CUL5: variants seen among roughly 807,000 people sequenced by gnomAD.
The protein encoded by CUL5 is cullin-5.
A neutral mutation model predicts 108.8 loss-of-function variants in CUL5; 26 were observed. The ratio of observed to expected loss-of-function variants is 0.24; its 90% CI spans 0.18 to 0.33. The LOEUF (loss-of-function observed/expected upper bound fraction) is 0.33. Ranked by LOEUF, CUL5 falls within the 10% of genes least tolerant of loss-of-function variation. CUL5 has a pLI of 1.00. For synonymous variants in CUL5, 334 were observed against 298.0 expected (o/e 1.12, Z -1.25); for missense variants, 524 against 909.2 (o/e 0.58, Z 5.45).
chr11:108,043,200 G>T (rs1862977614), intron 2 of CUL5, among the ~76,000 whole-genome samples: 1 of 152,188 alleles, frequency 6.6e-6, no homozygotes, highest in East Asian at 1.9e-4. Flanking sequence ...CTCCTGAAAA[G>T]CTAGGACTAC....
chr11:108,047,210 G>A (rs569855851), intron 3 of CUL5, among the ~76,000 whole-genome samples: 5 of 152,074 alleles, frequency 3.3e-5, no homozygotes, highest in East Asian at 1.9e-4. Context: ...GCAGCCACTC[G>A]AGAGGCTGAG....
intron 13 of CUL5, among the ~76,000 whole-genome samples, chr11:108,092,548 A>G (rs1192655575): frequency 6.6e-6 from 1 of 152,244 alleles, no homozygotes; most frequent in African/African-American, 2.4e-5. Flanking sequence ...ATGCTGCAAT[A>G]TTAGGTGAAC....
At position 108,105,062 on chromosome 11, in the gene CUL5, TGAG is replaced by T. The variant is rs1009871402; in HGVS notation, c.*682_*684del. The T allele has an allele frequency of 3.6e-4, 55 of 152,452 alleles. 1 individual carries two copies. Among genetic ancestry groups the T allele is most frequent in the South Asian group, 2.1e-4 (1 of 4,826 alleles). The allele number at this position is 152,452 out of a possible 1,614,324, so 9.4% of individuals were successfully genotyped here. A position where few individuals can be genotyped will look rare whatever the true frequency, so the allele number is the denominator to read the frequency against. ...TGCTATTTTAGTTGTTGTTAAATGA[TGAG>T]GAGTTTTTTTTTTTTTAAATATGGC... On this transcript the variant is annotated 3_prime_UTR_variant, in exon 19 of 19. Transcript: ENST00000393094.
chr11:108,028,368 G>A (rs565537936), intron 1 of CUL5, among the ~76,000 whole-genome samples: 2 of 152,194 alleles, frequency 1.3e-5, no homozygotes, highest in African/African-American at 2.4e-5. Flanking sequence ...AGTCCTGTTA[G>A]TACCACCTTT....
At chr11:108,014,919 G>A (rs1264108131) in intron 1 of CUL5, among the ~76,000 whole-genome samples, 1 of 152,064 alleles carries the variant, frequency 6.6e-6, no homozygotes, top group African/African-American at 2.4e-5. Context: ...TTATTTTTGA[G>A]ACGGGGTCTC....
intron 4 of CUL5, among the ~76,000 whole-genome samples, chr11:108,051,608 G>C (rs1438012180): frequency 4.6e-5 from 7 of 152,132 alleles, no homozygotes; most frequent in Admixed American, 4.6e-4. Context: ...CAAGTTTCTT[G>C]GAGTACTGAT....
intron 18 of CUL5, among the ~76,000 whole-genome samples, chr11:108,103,951 C>G (rs200474086): frequency 6.6e-6 from 1 of 152,006 alleles, no homozygotes; most frequent in Admixed American, 6.6e-5. Flanking sequence ...AATGCTTATC[C>G]CTCCCCTATC....
intron 10 of CUL5, among the ~76,000 whole-genome samples, chr11:108,077,154 T>G (rs1298810351): frequency 6.6e-6 from 1 of 152,234 alleles, no homozygotes; most frequent in Non-Finnish European, 1.5e-5. Context: ...ATTCTGATAT[T>G]TCATTGTTAG....
At chr11:108,084,118 G>C (rs1342625520) in intron 11 of CUL5, among the ~76,000 whole-genome samples, 1 of 152,180 alleles carries the variant, frequency 6.6e-6, no homozygotes, top group Non-Finnish European at 1.5e-5. Context: ...AGAATAAACT[G>C]ATAGTAGCAT....
chr11:108,039,693 C>T (rs190892899), intron 2 of CUL5, among the ~76,000 whole-genome samples: 1 of 152,282 alleles, frequency 6.6e-6, no homozygotes, highest in Admixed American at 6.5e-5. Context: ...ATCTAGATAA[C>T]TCATATAAAT....
chr11:108,086,898 T>G (rs367631054), intron 11 of CUL5, among the ~76,000 whole-genome samples: 5 of 152,374 alleles, frequency 3.3e-5, no homozygotes, highest in African/African-American at 1.2e-4. Flanking sequence ...TATCAGATCC[T>G]AGTCAGATAG....
At chr11:108,089,984 G>C (rs893119995) in intron 13 of CUL5, among the ~76,000 whole-genome samples, 2 of 151,326 alleles carry the variant, frequency 1.3e-5, no homozygotes, top group Non-Finnish European at 2.9e-5. Context: ...AGGTTGCAGT[G>C]AGCCAAGATC....
rs777781730 is a variant in CUL5, at chr11:108,050,072, A to C, written c.411+6A>C. The C allele has an allele frequency of 6.4e-7, 1 of 1,572,614 alleles. No individual in the cohort carries two copies. The highest frequency in any genetic ancestry group is 1.9e-5 in the Admixed American group (1 of 51,892). Reference sequence around the variant, plus strand: ...AAGACAGTATTGTTCGAAAGGTAAGACTATTTTTCTCCTTGTTTTCCTAAT... The same window carrying C: ...AAGACAGTATTGTTCGAAAGGTAAGCCTATTTTTCTCCTTGTTTTCCTAAT... On this transcript the variant is annotated splice_donor_region_variant and intron_variant, in intron 4 of 18. Transcript: ENST00000393094.
chr11:108,047,665 G>A (rs962123311), intron 3 of CUL5, among the ~76,000 whole-genome samples: 1 of 152,074 alleles, frequency 6.6e-6, no homozygotes, highest in Non-Finnish European at 1.5e-5. Context: ...TAGTTTTATA[G>A]GAAGTTATCT....
chr11:108,014,279 C>T (rs1402628689), intron 1 of CUL5, among the ~76,000 whole-genome samples: 1 of 152,090 alleles, frequency 6.6e-6, no homozygotes, highest in African/African-American at 2.4e-5. Context: ...ATCAGTGTGG[C>T]TGCAGTGTAA....
chr11:108,024,580 T>A (rs528247024), intron 1 of CUL5, among the ~76,000 whole-genome samples: 26 of 152,306 alleles, frequency 1.7e-4, no homozygotes, highest in Admixed American at 4.6e-4. Flanking sequence ...ATTCAGTGAT[T>A]TACACATCTA....
chr11:108,037,440 A>G (rs973035845), intron 2 of CUL5, among the ~76,000 whole-genome samples: 1 of 152,202 alleles, frequency 6.6e-6, no homozygotes, highest in African/African-American at 2.4e-5. Context: ...TGCTGGGAGT[A>G]TTCATGGGAC....
chr11:108,072,444 T>C lies in CUL5; in HGVS notation c.987T>C (p.Ala329=). 1 of 1,610,932 alleles carries C rather than the reference T, an allele frequency of 6.2e-7. No individual in the cohort carries two copies. The highest frequency in any genetic ancestry group is 8.5e-7 in the Non-Finnish European group (1 of 1,178,654). Residue 329 remains alanine (A), a synonymous_variant, in exon 9 of 19, where the codon GCT becomes GCC. Transcript: ENST00000393094. ...CTGGCCTGGCAGATATGGTAGCAGCTGCTGAAACTATTACTACTGTAAGTT... is the reference window on the plus strand; with the variant it reads ...CTGGCCTGGCAGATATGGTAGCAGCCGCTGAAACTATTACTACTGTAAGTT... ...ISAGLADMVA[A]AETITTDSEK...
chr11:108,010,843 A>C (rs915703703), intron 1 of CUL5, among the ~76,000 whole-genome samples: 2 of 152,204 alleles, frequency 1.3e-5, no homozygotes, highest in African/African-American at 2.4e-5. Context: ...TCACTCCTGT[A>C]ATCTCAGCTC....
Sources: allele counts gnomAD v4.1 joint callset (sites outside exome capture counted in the v4.1 genomes callset), GRCh38; gene constraint gnomAD v4.1.1; transcripts MANE v1.5; gene names NCBI Gene and HGNC (gene_info 2026-07-23, HGNC 2026-07-21).